Variants in RBFOX1 observed in about 807,000 individuals in gnomAD.
RBFOX1 encodes RNA binding protein fox-1 homolog 1.
In RBFOX1, 8 loss-of-function variants were observed where a neutral mutation model predicts 57.7. The ratio of observed to expected loss-of-function variants is 0.14; its 90% CI spans 0.08 to 0.25. RBFOX1 has a LOEUF of 0.25. Ranked by LOEUF, RBFOX1 falls within the 10% of genes least tolerant of loss-of-function variation. RBFOX1 has a pLI of 1.00. For missense variants in RBFOX1, 611 were observed against 548.5 expected (o/e 1.11, Z -1.14); for synonymous variants, 326 against 222.4 (o/e 1.47, Z -4.15).
intron 1 of RBFOX1, among the ~76,000 whole-genome samples, chr16:6,178,617 C>G (rs186532951): frequency 6.6e-6 from 1 of 152,262 alleles, no homozygotes; most frequent in African/African-American, 2.4e-5. Context: ...GTGTTTAGTT[C>G]TGTTACTCTT....
chr16:6,710,321 A>G (rs1211028743), intron 3 of RBFOX1, among the ~76,000 whole-genome samples: 2 of 152,224 alleles, frequency 1.3e-5, no homozygotes, highest in Non-Finnish European at 2.9e-5. Context: ...TAATGACTGC[A>G]TTTTTTAACA....
intron 3 of RBFOX1, among the ~76,000 whole-genome samples, chr16:7,050,853 T>G (rs1026304252): frequency 2.0e-5 from 3 of 152,200 alleles, no homozygotes; most frequent in African/African-American, 7.2e-5. Flanking sequence ...TGTGTGCCTC[T>G]GCATATTTTT....
At chr16:5,975,382 C>A (rs755652885) in intron 4 of RBFOX1, among the ~76,000 whole-genome samples, 7 of 152,194 alleles carry the variant, frequency 4.6e-5, no homozygotes, top group Non-Finnish European at 1.0e-4. Context: ...TAATGTAATA[C>A]ATCACAGAGC....
chr16:6,636,627 C>G (rs866130097), intron 2 of RBFOX1, among the ~76,000 whole-genome samples: 1 of 151,034 alleles, frequency 6.6e-6, no homozygotes, highest in Non-Finnish European at 1.5e-5. Flanking sequence ...TGTGCATGAT[C>G]TTTTGAAATG....
intron 1 of RBFOX1, among the ~76,000 whole-genome samples, chr16:5,384,487 G>A (rs1363905574): frequency 2.6e-5 from 4 of 152,158 alleles, no homozygotes; most frequent in African/African-American, 9.7e-5. Context: ...GGTTTTGAAG[G>A]GTGCATAGGA....
In RBFOX1 at chr16:6,850,855, G is replaced by C. The variant is rs926198036; in HGVS notation, c.-16+196205G>C. On this transcript the variant is annotated intron_variant, in intron 3 of 15. Coordinates refer to ENST00000550418, the MANE Select transcript of RBFOX1 (RefSeq NM_018723.4). ...CTAAGCATGCACCTCCCATATAATT[G>C]AGCAATTGCACACTTGGGCATTTAT... is the stretch of plus-strand genomic sequence containing the variant. 7.9e-5 allele frequency among the ~76,000 whole-genome samples: 12 copies of C among 152,154 alleles called. No individual in the cohort carries two copies. In the East Asian group the frequency reaches 2.1e-3, roughly 27 times the overall value.
At chr16:6,533,775 C>T (rs1444572627) in intron 2 of RBFOX1, among the ~76,000 whole-genome samples, 1 of 152,030 alleles carries the variant, frequency 6.6e-6, no homozygotes, top group Non-Finnish European at 1.5e-5. Context: ...CTCGAAAGCC[C>T]CTGGAAGGGA....
chr16:5,649,291 C>T (rs114828931), intron 3 of RBFOX1, among the ~76,000 whole-genome samples: 1 of 152,010 alleles, frequency 6.6e-6, no homozygotes, highest in Non-Finnish European at 1.5e-5. Context: ...GTCTCACCCT[C>T]CCAAGTAGCT....
chr16:5,590,794 C>G (rs981387972), intron 2 of RBFOX1, among the ~76,000 whole-genome samples: 6 of 152,160 alleles, frequency 3.9e-5, no homozygotes, highest in African/African-American at 1.4e-4. Flanking sequence ...GGGTTGAAAT[C>G]TGAGAGTGCA....
intron 1 of RBFOX1, among the ~76,000 whole-genome samples, chr16:6,191,001 T>A (rs989814734): frequency 1.1e-4 from 16 of 152,030 alleles, no homozygotes; most frequent in African/African-American, 3.9e-4. Flanking sequence ...CCTCTCCCGA[T>A]TCTGTCTGCT....
chr16:7,672,865 CAA>C (rs56693228), intron 13 of RBFOX1, among the ~76,000 whole-genome samples: 55 of 42,866 alleles, frequency 1.3e-3, no homozygotes, highest in East Asian at 4.1e-3. Flanking sequence ...GACTCCATCT[CAA>C]AAAAAAAAAA....
rs751151876 is a variant in RBFOX1, at chr16:7,676,810, CCTGCCACTGCCG to C, written c.973_984del (p.Thr325_Ala328del). 9.9e-6 allele frequency: 16 copies of C among 1,613,316 alleles called. No individual in the cohort carries two copies. ...TGCATACCGCTACGCCCAGCCTACC[CCTGCCACTGCCG>C]CTGCCTACAGTGACAGGTAAGGGTC... On this transcript the variant is annotated inframe_deletion, in exon 14 of 16. Coordinates refer to ENST00000550418, the MANE Select transcript of RBFOX1 (RefSeq NM_018723.4).
chr16:6,323,312 T>G (rs1000989276), intron 2 of RBFOX1, among the ~76,000 whole-genome samples: 1 of 152,144 alleles, frequency 6.6e-6, no homozygotes, highest in Admixed American at 6.5e-5. Context: ...CTTCATCATC[T>G]TACCCAGTTA....
chr16:6,639,227 A>G (rs2098467513), intron 2 of RBFOX1, among the ~76,000 whole-genome samples: 1 of 152,160 alleles, frequency 6.6e-6, no homozygotes, highest in Non-Finnish European at 1.5e-5. Context: ...TAAATCTTGG[A>G]CTGCCCATTG....
chr16:6,243,086 G>C (rs940234985), intron 1 of RBFOX1, among the ~76,000 whole-genome samples: 2 of 151,968 alleles, frequency 1.3e-5, no homozygotes, highest in African/African-American at 4.8e-5. Context: ...TCATGTAAGA[G>C]TCTTATGATA....
intron 2 of RBFOX1, among the ~76,000 whole-genome samples, chr16:6,578,598 C>CGTGTGTGTGT (rs57470848): frequency 0.02 from 2,172 of 110,734 alleles, 65 homozygotes; most frequent in African/African-American, 0.057. Flanking sequence ...GGTGTGTGTG[C>CGTGTGTGTGT]GTGTGTGTGT....
intron 2 of RBFOX1, among the ~76,000 whole-genome samples, chr16:6,341,206 T>C (rs935050402): frequency 6.6e-6 from 1 of 152,218 alleles, no homozygotes; most frequent in Non-Finnish European, 1.5e-5. Flanking sequence ...GAACTCTCTA[T>C]GGGAAAGAAC....
intron 3 of RBFOX1, among the ~76,000 whole-genome samples, chr16:6,922,176 G>A (rs560802678): frequency 2.0e-5 from 3 of 152,218 alleles, no homozygotes; most frequent in Non-Finnish European, 2.9e-5. Context: ...AATGGATCCT[G>A]GGGGGTAGGT....
chr16:7,094,763 TGTGTGTGTGTGTGG>T (rs1431953737), intron 4 of RBFOX1, among the ~76,000 whole-genome samples: 2 of 138,710 alleles, frequency 1.4e-5, no homozygotes, highest in Admixed American at 7.3e-5. Flanking sequence ...TGTGTGTGTG[TGTGTGTGTGTGTGG>T]GTGTGTGTGT....
Sources: allele counts gnomAD v4.1 joint callset (sites outside exome capture counted in the v4.1 genomes callset), GRCh38; gene constraint gnomAD v4.1.1; transcripts MANE v1.5; gene names NCBI Gene and HGNC (gene_info 2026-07-23, HGNC 2026-07-21).